The following BCOR variants were observed in gnomAD, a reference collection of about 807,000 sequenced individuals.
BCOR encodes BCL-6 corepressor.
A neutral mutation model predicts 86.7 loss-of-function variants in BCOR; 10 were observed. That is an observed-to-expected ratio of 0.12 (90% CI 0.07 to 0.20). The LOEUF is 0.20. Among genes scored for constraint, BCOR ranks in the 10% least tolerant of loss-of-function variants. The probability of loss-of-function intolerance (pLI) is 1.00; values close to 1 mark genes in which losing one functional copy is unlikely to be tolerated. For synonymous variants in BCOR, 611 were observed against 609.0 expected, an observed-to-expected ratio of 1.00 and a Z score of -0.05; for missense variants, 1,259 against 1,452.1, an observed-to-expected ratio of 0.87 and a Z score of 2.16.
rs568651984 is a variant in BCOR, at chrX:40,076,755, A to G, written c.87-223T>C. Among the ~76,000 whole-genome samples the G allele has an allele frequency of 1.5e-4, 17 of 112,931 alleles. No individual in the cohort carries two copies. In the South Asian group the frequency reaches 6.2e-3, roughly 41 times the overall value. The stretch of plus-strand genomic sequence containing the variant: ...AAACGCAAAGCTTTCATGTGTGAGG[A>G]CATGAATCACAAATATGATGTCCCC... On this transcript the variant is annotated intron_variant, in intron 2 of 14. Coordinates refer to ENST00000378444, the MANE Select transcript of BCOR (RefSeq NM_001123385.2).
intron 1 of BCOR, among the ~76,000 whole-genome samples, chrX:40,095,379 G>C (rs1936810944): frequency 9.0e-6 from 1 of 111,064 alleles, no homozygotes; most frequent in Non-Finnish European, 1.9e-5. Flanking sequence ...GATTGATTTC[G>C]GCCCGCGGTG....
At chrX:40,119,611 C>T (rs1937453135) in intron 1 of BCOR, among the ~76,000 whole-genome samples, 1 of 109,944 alleles carries the variant, frequency 9.1e-6, no homozygotes, top group South Asian at 3.9e-4. Flanking sequence ...TGCACTCCAG[C>T]CTGGGTGACA....
At chrX:40,076,329 C>A in intron 3 of BCOR, 125 bp downstream of exon 3, 1 of 542,148 alleles carries the variant, frequency 1.8e-6, no homozygotes, top group Non-Finnish European at 3.2e-6. Context: ...GCCTCCAACT[C>A]AGCCCTGCTC....
At chrX:40,151,293 AGGAG>A (rs1199910080) in intron 1 of BCOR, among the ~76,000 whole-genome samples, 6 of 112,545 alleles carry the variant, frequency 5.3e-5, no homozygotes, top group Non-Finnish European at 1.1e-4. Context: ...TGGGGCAAGC[AGGAG>A]GGAGGGGGGA....
At chrX:40,101,598 G>A (rs766805933), upstream of BCOR, among the ~76,000 whole-genome samples, 1 of 112,602 alleles carries the variant, frequency 8.9e-6, no homozygotes, top group East Asian at 2.8e-4. Context: ...CAGGCCTTGA[G>A]CCTGGCTGCC....
chrX:40,150,158 C>T (rs1235283683), intron 1 of BCOR, among the ~76,000 whole-genome samples: 1 of 112,419 alleles, frequency 8.9e-6, no homozygotes, highest in Non-Finnish European at 1.9e-5. Context: ...TATACCTTAC[C>T]CTAAACAGAA....
intron 1 of BCOR, among the ~76,000 whole-genome samples, chrX:40,091,822 C>T (rs899806274): frequency 8.8e-6 from 1 of 113,049 alleles, no homozygotes; most frequent in African/African-American, 3.2e-5. Flanking sequence ...GACGGAATCC[C>T]GTCGGCCATA....
At chrX:40,121,346 T>C (rs1937482870) in intron 1 of BCOR, among the ~76,000 whole-genome samples, 1 of 111,740 alleles carries the variant, frequency 8.9e-6, no homozygotes, top group Non-Finnish European at 1.9e-5. Context: ...CAGCACTTCC[T>C]CCAAGATACC....
chrX:40,084,937 A>C (rs1382447737), intron 1 of BCOR, among the ~76,000 whole-genome samples: 2 of 112,159 alleles, frequency 1.8e-5, no homozygotes, highest in African/African-American at 6.5e-5. Context: ...CACCTTCTTT[A>C]CAAGGAACAA....
At chrX:40,080,918 A>G (rs909296369) in intron 1 of BCOR, among the ~76,000 whole-genome samples, 11 of 101,966 alleles carry the variant, frequency 1.1e-4, no homozygotes, top group African/African-American at 3.6e-4. Flanking sequence ...AAAAGGGGGG[A>G]ACACATTGTT....
chrX:40,156,778 A>T (rs1188150127), intron 1 of BCOR, among the ~76,000 whole-genome samples: 1 of 113,376 alleles, frequency 8.8e-6, no homozygotes, highest in Non-Finnish European at 1.9e-5. Context: ...TCCAGGCCCC[A>T]GCCTGGTACG....
intron 1 of BCOR, among the ~76,000 whole-genome samples, chrX:40,084,132 G>C (rs1277974797): frequency 8.9e-6 from 1 of 111,786 alleles, no homozygotes; most frequent in Non-Finnish European, 1.9e-5. Context: ...CTACTGTAAC[G>C]TGGGAGGGGT....
chrX:40,174,314 C>G (rs1938695172), intron 1 of BCOR, among the ~76,000 whole-genome samples: 1 of 111,775 alleles, frequency 8.9e-6, no homozygotes, highest in African/African-American at 3.3e-5. Context: ...CTCAGGGTCA[C>G]CTCTGGGGCT....
chrX:40,113,368 T>C lies in BCOR; in HGVS notation c.-40-35399A>G, dbSNP rs184174606. Reference sequence around the variant, plus strand: ...ACTGCAGTGAGCCATGATTGCACCATTGCACTCCAGCCTGGGTGACAGAGG... The same window carrying C: ...ACTGCAGTGAGCCATGATTGCACCACTGCACTCCAGCCTGGGTGACAGAGG... On this transcript the variant is annotated intron_variant, in intron 1 of 14. Coordinates refer to the BCOR transcript ENST00000342274. Among the ~76,000 whole-genome samples the C allele has an allele frequency of 5.7e-5, 6 of 105,403 alleles. No individual in the cohort carries two copies. In the East Asian group the frequency reaches 1.2e-3, roughly 21 times the overall value. The allele number at this position is 105,403 out of a possible 115,157, so 91.5% of individuals were successfully genotyped here. A position where few individuals can be genotyped will look rare whatever the true frequency, so the allele number is the denominator to read the frequency against.
At chrX:40,172,415 G>A (rs1289998236) in intron 1 of BCOR, among the ~76,000 whole-genome samples, 10 of 113,107 alleles carry the variant, frequency 8.8e-5, no homozygotes, top group Non-Finnish European at 1.7e-4. Context: ...TGGGGGGAAA[G>A]AGGGCAGCGC....
rs998147650 is a variant in BCOR, at chrX:40,130,602, T to C, written c.-41+46405A>G. Among the ~76,000 whole-genome samples, 3 of 110,592 alleles carry C rather than the reference T, an allele frequency of 2.7e-5. No individual in the cohort carries two copies. The East Asian group carries it at 8.4e-4, about 31-fold the overall frequency. ...TGCTGCATGTGAGGCTTGGTGGTAA[T>C]GAGGGAAGCATGTCGGTGGGGAGGT... On this transcript the variant is annotated intron_variant, in intron 1 of 14. Coordinates refer to the BCOR transcript ENST00000342274.
intron 6 of BCOR, among the ~76,000 whole-genome samples, chrX:40,065,302 G>C (rs2063193612): frequency 8.9e-6 from 1 of 112,659 alleles, no homozygotes. Flanking sequence ...CACGAGTTCA[G>C]AGAAAACTTC....
In BCOR at chrX:40,052,184, G is replaced by C; in HGVS notation, c.5193C>G (p.Asn1731Lys). The change falls in exon 15 of 15, where the codon AAC becomes AAG. Residue 1731 changes from asparagine (N) to lysine (K), a missense_variant. Coordinates refer to ENST00000378444, the MANE Select transcript of BCOR (RefSeq NM_001123385.2). Reference protein sequence around the residue: ...KELLDLVEFTNEIQTLLGSSV... With the variant: ...KELLDLVEFTKEIQTLLGSSV... ...AGGAGCCCAGCAGAGTCTGAATTTCGTTCGTGAATTCCACCAGATCTAACA... is the reference window on the plus strand; with the variant it reads ...AGGAGCCCAGCAGAGTCTGAATTTCCTTCGTGAATTCCACCAGATCTAACA... 1 of 1,210,399 alleles carries C rather than the reference G, an allele frequency of 8.3e-7. No individual in the cohort carries two copies. The highest frequency in any genetic ancestry group is 1.1e-6 in the Non-Finnish European group (1 of 894,780).
chrX:40,171,684 A>G (rs1019318957), intron 1 of BCOR, among the ~76,000 whole-genome samples: 7 of 113,069 alleles, frequency 6.2e-5, no homozygotes, highest in Non-Finnish European at 1.3e-4. Context: ...CAGTGCGGAC[A>G]TGGCGAGCGA....
Sources: allele counts gnomAD v4.1 joint callset (sites outside exome capture counted in the v4.1 genomes callset), GRCh38; gene constraint gnomAD v4.1.1; transcripts MANE v1.5; gene names NCBI Gene and HGNC (gene_info 2026-07-23, HGNC 2026-07-21).